MECOM: variants seen among roughly 807,000 people sequenced by gnomAD.
MECOM encodes histone-lysine N-methyltransferase MECOM.
MECOM carries 13 observed loss-of-function variants against 116.3 expected under a neutral mutation model. The observed-to-expected ratio is 0.11, with a 90% CI of 0.07 to 0.18. MECOM has a LOEUF of 0.18. Among genes scored for constraint, MECOM ranks in the 10% least tolerant of loss-of-function variants. The pLI is 1.00. For synonymous variants in MECOM, 528 were observed against 535.2 expected, an observed-to-expected ratio of 0.99 and a Z score of 0.19; for missense variants, 1,299 against 1,509.0, an observed-to-expected ratio of 0.86 and a Z score of 2.31.
At chr3:169,279,911 A>G (rs899805922) in intron 2 of MECOM, among the ~76,000 whole-genome samples, 19 of 152,186 alleles carry the variant, frequency 1.2e-4, no homozygotes, top group African/African-American at 4.3e-4. Context: ...TTGCAAACAC[A>G]AGACTGATAT....
chr3:169,271,050 C>G lies in MECOM; in HGVS notation c.375+110137G>C, dbSNP rs570333711. Among the ~76,000 whole-genome samples the G allele has an allele frequency of 2.6e-5, 4 of 152,312 alleles. No individual in the cohort carries two copies. In the East Asian group the frequency reaches 7.7e-4, roughly 29 times the overall value. Reference sequence around the variant, plus strand: ...GCCTGAGCACTTCACTCCACGTAGACAGTAACAAAGACAAGTCCGATTTCT... The same window carrying G: ...GCCTGAGCACTTCACTCCACGTAGAGAGTAACAAAGACAAGTCCGATTTCT... On this transcript the variant is annotated intron_variant, in intron 2 of 16. Transcript: ENST00000651503.
intron 4 of MECOM, 47 bp from the exon 5 acceptor site, chr3:169,128,107 A>G (rs1307466632): frequency 6.4e-7 from 1 of 1,565,478 alleles, no homozygotes; most frequent in Non-Finnish European, 8.8e-7. Flanking sequence ...AGGAATTGCC[A>G]TCACAAACCA....
intron 2 of MECOM, among the ~76,000 whole-genome samples, chr3:169,198,633 G>A (rs963955948): frequency 6.6e-6 from 1 of 151,678 alleles, no homozygotes; most frequent in South Asian, 2.1e-4. Flanking sequence ...CTTACCCACT[G>A]TTCATTTCTT....
intron 2 of MECOM, among the ~76,000 whole-genome samples, chr3:169,372,892 C>T (rs369522658): frequency 1.6e-4 from 25 of 152,114 alleles, no homozygotes; most frequent in African/African-American, 5.8e-4. Context: ...CTGAGGAGGA[C>T]TTGAGACCAG....
intron 1 of MECOM, among the ~76,000 whole-genome samples, chr3:169,424,687 A>G (rs1316581025): frequency 6.6e-6 from 1 of 152,118 alleles, no homozygotes; most frequent in Non-Finnish European, 1.5e-5. Context: ...GTCTCCTTGA[A>G]TCTATTAGAA....
chr3:169,572,223 A>T (rs546671154), intron 1 of MECOM, among the ~76,000 whole-genome samples: 3 of 152,380 alleles, frequency 2.0e-5, no homozygotes, highest in Non-Finnish European at 2.9e-5. Flanking sequence ...TTATGCAGCC[A>T]ACAAACATAT....
chr3:169,241,503 T>C (rs1754806950), intron 2 of MECOM, among the ~76,000 whole-genome samples: 1 of 152,234 alleles, frequency 6.6e-6, no homozygotes, highest in Non-Finnish European at 1.5e-5. Context: ...ATTTTGTTTA[T>C]GGAATGTACC....
chr3:169,303,472 A>G (rs1717127366), intron 2 of MECOM, among the ~76,000 whole-genome samples: 1 of 152,244 alleles, frequency 6.6e-6, no homozygotes, highest in Non-Finnish European at 1.5e-5. Context: ...CATTCATAAC[A>G]GACGTTGCAA....
At chr3:169,337,111 C>G (rs887623392) in intron 2 of MECOM, among the ~76,000 whole-genome samples, 1 of 152,100 alleles carries the variant, frequency 6.6e-6, no homozygotes, top group African/African-American at 2.4e-5. Flanking sequence ...TGGAAAATAA[C>G]TACTTATGTG....
chr3:169,654,839 C>CACAT (rs1321251398), intron 1 of MECOM, among the ~76,000 whole-genome samples: 1 of 151,914 alleles, frequency 6.6e-6, no homozygotes, highest in Non-Finnish European at 1.5e-5. Context: ...CACACACACA[C>CACAT]ACATATTAAC....
Position 169,596,639 on chromosome 3 carries a change from G to A in MECOM, c.37+66697C>T, listed in dbSNP as rs139983131. Among the ~76,000 whole-genome samples the A allele has an allele frequency of 2.0e-3, 299 of 151,902 alleles. 2 individuals carry two copies. Among genetic ancestry groups the A allele is most frequent in the African/African-American group, 6.5e-3 (271 of 41,398 alleles). The stretch of plus-strand genomic sequence containing the variant: ...AGAAAATAAATGCAAGCAGTTTACC[G>A]CTCACCATACAGCACAGTAACAATT... On this transcript the variant is annotated intron_variant, in intron 1 of 16. Transcript: ENST00000651503.
intron 2 of MECOM, among the ~76,000 whole-genome samples, chr3:169,221,620 T>A (rs1752144934): frequency 1.3e-5 from 2 of 151,664 alleles, no homozygotes; most frequent in African/African-American, 4.9e-5. Flanking sequence ...CTGGTCTGGT[T>A]TTGAATGGGT....
At chr3:169,620,749 C>T (rs540112795) in intron 1 of MECOM, among the ~76,000 whole-genome samples, 1 of 152,302 alleles carries the variant, frequency 6.6e-6, no homozygotes, top group African/African-American at 2.4e-5. Context: ...AAGGTCCAGG[C>T]CTCTGACACC....
At chr3:169,179,353 T>C (rs1745634410) in intron 2 of MECOM, among the ~76,000 whole-genome samples, 1 of 152,228 alleles carries the variant, frequency 6.6e-6, no homozygotes, top group Non-Finnish European at 1.5e-5. Flanking sequence ...ATTTTAGTAA[T>C]GGCAAAGCCA....
intron 1 of MECOM, among the ~76,000 whole-genome samples, chr3:169,512,369 GA>G (rs1756080792): frequency 6.6e-6 from 1 of 152,142 alleles, no homozygotes; most frequent in Non-Finnish European, 1.5e-5. Flanking sequence ...GAATTGTTCA[GA>G]CTTAGCCCTA....
At chr3:169,292,186 T>C (rs1478582152) in intron 2 of MECOM, among the ~76,000 whole-genome samples, 1 of 151,852 alleles carries the variant, frequency 6.6e-6, no homozygotes, top group Non-Finnish European at 1.5e-5. Context: ...CTACTAAAAA[T>C]TCGAAAATTA....
At chr3:169,367,868 A>T (rs1729452516) in intron 2 of MECOM, among the ~76,000 whole-genome samples, 1 of 152,014 alleles carries the variant, frequency 6.6e-6, no homozygotes, top group Non-Finnish European at 1.5e-5. Flanking sequence ...CTCTGAGAAG[A>T]TACCTGTGAG....
intron 2 of MECOM, among the ~76,000 whole-genome samples, chr3:169,282,784 A>G (rs1466804024): frequency 6.6e-6 from 1 of 151,868 alleles, no homozygotes; most frequent in Admixed American, 6.6e-5. Flanking sequence ...TTATTTATAA[A>G]TTAATCAATT....
intron 13 of MECOM, among the ~76,000 whole-genome samples, chr3:169,093,366 A>T (rs1720407175): frequency 6.6e-6 from 1 of 152,132 alleles, no homozygotes; most frequent in South Asian, 2.1e-4. Context: ...GCTTTTCCTT[A>T]CCTCTATTGT....
Sources: gnomAD v4.1 joint callset for allele counts (sites outside exome capture counted in the v4.1 genomes callset) on GRCh38, gnomAD v4.1.1 for gene constraint, MANE v1.5 for transcripts, NCBI Gene and HGNC (gene_info 2026-07-23, HGNC 2026-07-21) for gene names.